GLIS3: variants seen among roughly 807,000 people sequenced by gnomAD.
GLIS3 encodes the protein GLIS family zinc finger 3, also known as zinc finger protein GLIS3.
Under a neutral mutation model 78.6 loss-of-function variants are expected in GLIS3, and 53 were observed. The ratio of observed to expected loss-of-function variants is 0.67; its 90% CI spans 0.54 to 0.85. The LOEUF is 0.85. Among genes scored for constraint, GLIS3 ranks in the 40% least tolerant of loss-of-function variants. GLIS3 has a pLI of 0.00. For synonymous variants in GLIS3, 684 were observed against 509.9 expected, an observed-to-expected ratio of 1.34 and a Z score of -4.60; for missense variants, 1,703 against 1,231.1, an observed-to-expected ratio of 1.38 and a Z score of -5.74.
chr9:3,898,243 T>G, intron 7 of GLIS3: 1 of 246,272 alleles, frequency 4.1e-6, no homozygotes, highest in Non-Finnish European at 8.0e-6. Context: ...CAAACATGAA[T>G]GAACATTCTT....
intron 2 of GLIS3, among the ~76,000 whole-genome samples, chr9:4,151,807 C>T (rs1834702493): frequency 2.0e-5 from 3 of 152,270 alleles, no homozygotes; most frequent in South Asian, 4.1e-4. Context: ...ATCATCTGTT[C>T]CTAGTTAAAC....
intron 4 of GLIS3, among the ~76,000 whole-genome samples, chr9:3,955,421 G>C (rs1233871654): frequency 2.0e-5 from 3 of 152,198 alleles, no homozygotes; most frequent in Non-Finnish European, 4.4e-5. Flanking sequence ...TTCCATGGCA[G>C]ACAGGATGGA....
chr9:3,934,664 T>A (rs1385290501), intron 5 of GLIS3, among the ~76,000 whole-genome samples: 1 of 152,132 alleles, frequency 6.6e-6, no homozygotes, highest in Middle Eastern at 3.2e-3. Flanking sequence ...CCACCTTGGC[T>A]TCCCAAAGTG....
chr9:4,125,389 G>T (rs1008914138), intron 3 of GLIS3, among the ~76,000 whole-genome samples: 4 of 152,104 alleles, frequency 2.6e-5, no homozygotes, highest in African/African-American at 9.7e-5. Flanking sequence ...GGTGTACATG[G>T]ACCATGCAAA....
intron 3 of GLIS3, among the ~76,000 whole-genome samples, chr9:4,124,844 C>T (rs1832453348): frequency 6.6e-6 from 1 of 152,150 alleles, no homozygotes; most frequent in Admixed American, 6.5e-5. Flanking sequence ...CTTTGCAAGA[C>T]CATAGTTATG....
At chr9:4,228,722 A>C (rs1358221120) in intron 2 of GLIS3, among the ~76,000 whole-genome samples, 1 of 152,242 alleles carries the variant, frequency 6.6e-6, no homozygotes, top group African/African-American at 2.4e-5. Context: ...ACACAATATG[A>C]AATGAAAAAT....
chr9:4,189,589 T>C (rs1285595420), intron 2 of GLIS3, among the ~76,000 whole-genome samples: 1 of 152,134 alleles, frequency 6.6e-6, no homozygotes, highest in African/African-American at 2.4e-5. Context: ...ATGTTGACAG[T>C]GGGGTGTTAA....
At chr9:4,161,122 A>C (rs1015146056) in intron 2 of GLIS3, among the ~76,000 whole-genome samples, 6 of 151,600 alleles carry the variant, frequency 4.0e-5, no homozygotes, top group African/African-American at 1.4e-4. Context: ...AGAAAAGAAA[A>C]AATTTTGTTA....
intron 2 of GLIS3, among the ~76,000 whole-genome samples, chr9:4,253,518 A>G (rs2129904974): frequency 6.6e-6 from 1 of 152,324 alleles, no homozygotes; most frequent in East Asian, 1.9e-4. Flanking sequence ...GACAATTTGA[A>G]GCCAGTGGAT....
chr9:4,463,098 A>C, the GLIS3 span, among the ~76,000 whole-genome samples: 1 of 152,248 alleles, frequency 6.6e-6, no homozygotes, highest in Non-Finnish European at 1.5e-5. Flanking sequence ...ATGCAGAATC[A>C]ATACAGATAG....
the GLIS3 span, among the ~76,000 whole-genome samples, chr9:4,416,261 A>ATT: frequency 2.0e-4 from 29 of 147,124 alleles, no homozygotes; most frequent in South Asian, 4.8e-3. Flanking sequence ...TTAAAAAAAA[A>ATT]AAAAAAAAAA....
upstream of GLIS3, among the ~76,000 whole-genome samples, chr9:4,302,976 A>G (rs548831215): frequency 1.1e-4 from 16 of 152,308 alleles, no homozygotes; most frequent in African/African-American, 3.4e-4. Flanking sequence ...CACAGAAGGC[A>G]TAAGTCCTGC....
chr9:3,932,594 A>G (rs2130779676), intron 5 of GLIS3, 124 bp from the exon 6 acceptor site: 3 of 732,404 alleles, frequency 4.1e-6, no homozygotes, highest in Middle Eastern at 2.4e-4. Context: ...GTGAAATGCT[A>G]GCTAATACTC....
chr9:4,414,694 T>C, the GLIS3 span, among the ~76,000 whole-genome samples: 1 of 152,162 alleles, frequency 6.6e-6, no homozygotes, highest in East Asian at 1.9e-4. Context: ...AGCCCATCTG[T>C]GCACCTCTTT....
At chr9:3,879,346 T>C in intron 8 of GLIS3, 81 bp downstream of exon 8, 3 of 1,366,050 alleles carry the variant, frequency 2.2e-6, no homozygotes, top group South Asian at 1.2e-5. Flanking sequence ...ATTAATAAAA[T>C]TCAGCAACTG....
At chr9:4,097,739 A>G (rs1162164474) in intron 4 of GLIS3, among the ~76,000 whole-genome samples, 4 of 152,194 alleles carry the variant, frequency 2.6e-5, no homozygotes, top group Non-Finnish European at 5.9e-5. Flanking sequence ...TCTCCTGGTT[A>G]AATCCTGACT....
the GLIS3 span, among the ~76,000 whole-genome samples, chr9:4,411,276 T>A: frequency 6.6e-6 from 1 of 152,194 alleles, no homozygotes; most frequent in Non-Finnish European, 1.5e-5. Flanking sequence ...GTCCTTCACT[T>A]GGTGCAAACA....
chr9:4,027,419 C>T (rs948374622), intron 4 of GLIS3, among the ~76,000 whole-genome samples: 3 of 152,188 alleles, frequency 2.0e-5, no homozygotes, highest in African/African-American at 7.2e-5. Context: ...TGGTAAAGGA[C>T]AATCAGTTCA....
At chr9:4,201,779 T>C (rs1368101060) in intron 2 of GLIS3, among the ~76,000 whole-genome samples, 1 of 152,164 alleles carries the variant, frequency 6.6e-6, no homozygotes, top group Non-Finnish European at 1.5e-5. Context: ...AATCTACAGA[T>C]TCAGTGCTAT....
Sources: allele counts gnomAD v4.1 joint callset (sites outside exome capture counted in the v4.1 genomes callset), GRCh38; gene constraint gnomAD v4.1.1; transcripts MANE v1.5; gene names NCBI Gene and HGNC (gene_info 2026-07-23, HGNC 2026-07-21).